The following LRRC4C variants were observed in gnomAD, a reference collection of about 807,000 sequenced individuals.
LRRC4C encodes leucine-rich repeat-containing protein 4C.
Under a neutral mutation model 33.6 loss-of-function variants are expected in LRRC4C, and 5 were observed. The observed-to-expected ratio is 0.15, with a 90% confidence interval of 0.08 to 0.31. The LOEUF (loss-of-function observed/expected upper bound fraction) is 0.31, where lower values mean the gene tolerates loss of function less well. Among genes scored for constraint, LRRC4C ranks in the 10% least tolerant of loss-of-function variants. The pLI is 1.00. For synonymous variants in LRRC4C, 329 were observed against 302.0 expected (o/e 1.09, Z -0.93); for missense variants, 560 against 796.7 (o/e 0.70, Z 3.58).
intron 1 of LRRC4C, among the ~76,000 whole-genome samples, chr11:41,346,646 C>A (rs1338189375): frequency 6.6e-6 from 1 of 152,192 alleles, no homozygotes; most frequent in African/African-American, 2.4e-5. Flanking sequence ...GTCAAAAAGT[C>A]TGCAAAATAC....
chr11:41,294,327 C>T (rs1442883617), intron 1 of LRRC4C, among the ~76,000 whole-genome samples: 1 of 152,148 alleles, frequency 6.6e-6, no homozygotes, highest in East Asian at 1.9e-4. Context: ...AAGGACTTCG[C>T]ACAGAGTATC....
At chr11:40,151,939 T>C (rs1028044523) in intron 5 of LRRC4C, among the ~76,000 whole-genome samples, 29 of 152,172 alleles carry the variant, frequency 1.9e-4, no homozygotes, top group African/African-American at 6.8e-4. Flanking sequence ...TTTATCGTGA[T>C]GGAAGGGATC....
chr11:41,043,614 C>T lies in LRRC4C; in HGVS notation c.-495-109891G>A, dbSNP rs73470405. The stretch of plus-strand genomic sequence containing the variant: ...CTTTCAGAAAACTCAATTACTCTTA[C>T]TCTTAAACATGAAAAAACCAAGGCA... On this transcript the variant is annotated intron_variant, in intron 1 of 6. Coordinates refer to ENST00000528697, the MANE Select transcript of LRRC4C (RefSeq NM_001258419.2). Among the ~76,000 whole-genome samples the T allele has an allele frequency of 7.4e-3, 1,091 of 147,608 alleles. 22 individuals carry two copies. Among genetic ancestry groups the T allele is most frequent in the African/African-American group, 0.026 (1,054 of 40,592 alleles).
At chr11:41,067,761 C>A (rs1283055842) in intron 1 of LRRC4C, among the ~76,000 whole-genome samples, 1 of 152,180 alleles carries the variant, frequency 6.6e-6, no homozygotes, top group Non-Finnish European at 1.5e-5. Context: ...TCACTTAAAA[C>A]CACACAACTA....
intron 3 of LRRC4C, among the ~76,000 whole-genome samples, chr11:40,529,982 G>T (rs898086225): frequency 6.6e-6 from 1 of 151,966 alleles, no homozygotes; most frequent in East Asian, 1.9e-4. Flanking sequence ...TAAAAAATAA[G>T]GCTCATTAAT....
At chr11:40,563,608 T>C (rs1482085299) in intron 3 of LRRC4C, among the ~76,000 whole-genome samples, 6 of 152,186 alleles carry the variant, frequency 3.9e-5, no homozygotes, top group African/African-American at 1.4e-4. Context: ...ACAGCTGATA[T>C]AAAGTACATG....
chr11:41,162,644 T>C (rs2136037788), intron 1 of LRRC4C, among the ~76,000 whole-genome samples: 1 of 152,300 alleles, frequency 6.6e-6, no homozygotes, highest in South Asian at 2.1e-4. Context: ...ATTATTTGTG[T>C]ACCTAAAAAT....
At chr11:40,310,405 G>A (rs1214385734) in intron 4 of LRRC4C, among the ~76,000 whole-genome samples, 1 of 152,118 alleles carries the variant, frequency 6.6e-6, no homozygotes, top group Non-Finnish European at 1.5e-5. Flanking sequence ...CTTCCAGGTA[G>A]CAGTCTATCT....
chr11:40,910,495 T>C (rs1204433509), intron 2 of LRRC4C, among the ~76,000 whole-genome samples: 1 of 152,174 alleles, frequency 6.6e-6, no homozygotes, highest in Non-Finnish European at 1.5e-5. Context: ...AAAAAGCAAA[T>C]ACGCCTTTGA....
intron 2 of LRRC4C, among the ~76,000 whole-genome samples, chr11:40,879,773 A>C (rs1447677536): frequency 6.6e-6 from 1 of 152,294 alleles, no homozygotes; most frequent in Non-Finnish European, 1.5e-5. Flanking sequence ...TAAATAAGGC[A>C]AAAAGATTTA....
intron 2 of LRRC4C, among the ~76,000 whole-genome samples, chr11:40,760,842 C>A (rs1162478717): frequency 6.9e-6 from 1 of 144,766 alleles, no homozygotes; most frequent in Non-Finnish European, 1.5e-5. Context: ...TATATATATA[C>A]ACACACATAT....
intron 1 of LRRC4C, among the ~76,000 whole-genome samples, chr11:41,227,134 TTCTC>T (rs1947577667): frequency 1.3e-5 from 2 of 152,096 alleles, no homozygotes; most frequent in South Asian, 4.1e-4. Flanking sequence ...TGAAAAATGT[TTCTC>T]TCTTTTGGTT....
intron 5 of LRRC4C, among the ~76,000 whole-genome samples, chr11:40,231,586 T>C (rs1380418556): frequency 6.6e-6 from 1 of 152,212 alleles, no homozygotes; most frequent in African/African-American, 2.4e-5. Context: ...CATTTAATTC[T>C]CCCAATAACC....
chr11:40,782,005 A>G (rs1236914164), intron 2 of LRRC4C, among the ~76,000 whole-genome samples: 1 of 152,158 alleles, frequency 6.6e-6, no homozygotes, highest in African/African-American at 2.4e-5. Context: ...TGCCCCCTTT[A>G]ATGCATTATT....
intron 1 of LRRC4C, among the ~76,000 whole-genome samples, chr11:41,041,586 A>T (rs975847907): frequency 6.6e-6 from 1 of 152,194 alleles, no homozygotes; most frequent in Non-Finnish European, 1.5e-5. Flanking sequence ...AGATTAGAGA[A>T]GTTACCATCA....
At chr11:40,119,344 T>C (rs1425393856) in intron 6 of LRRC4C, among the ~76,000 whole-genome samples, 2 of 152,204 alleles carry the variant, frequency 1.3e-5, no homozygotes, top group Non-Finnish European at 2.9e-5. Context: ...ACTTGACTAA[T>C]AGATTCTGAG....
chr11:40,771,770 A>T (rs903968715), intron 2 of LRRC4C, among the ~76,000 whole-genome samples: 12 of 152,122 alleles, frequency 7.9e-5, no homozygotes, highest in Non-Finnish European at 1.6e-4. Context: ...ATTCCCAAAA[A>T]GTTACTCATC....
At chr11:41,358,881 C>T (rs1213701007) in intron 1 of LRRC4C, among the ~76,000 whole-genome samples, 1 of 152,060 alleles carries the variant, frequency 6.6e-6, no homozygotes, top group Non-Finnish European at 1.5e-5. Flanking sequence ...TATTTGTGCA[C>T]AGAAGTTAAA....
intron 4 of LRRC4C, among the ~76,000 whole-genome samples, chr11:40,273,640 G>C (rs553816406): frequency 6.6e-6 from 1 of 152,198 alleles, no homozygotes; most frequent in Non-Finnish European, 1.5e-5. Context: ...TTCTCTGCTA[G>C]ATACTACTTT....
Sources: gnomAD v4.1 joint callset for allele counts (sites outside exome capture counted in the v4.1 genomes callset) on GRCh38, gnomAD v4.1.1 for gene constraint, MANE v1.5 for transcripts, NCBI Gene and HGNC (gene_info 2026-07-23, HGNC 2026-07-21) for gene names.